ITGA1: variants seen among roughly 807,000 people sequenced by gnomAD.
ITGA1 encodes the protein integrin subunit alpha 1, also known as integrin alpha-1.
Under a neutral mutation model 145.9 loss-of-function variants are expected in ITGA1, and 85 were observed. The ratio of observed to expected loss-of-function variants is 0.58; its 90% CI spans 0.49 to 0.70. The LOEUF (loss-of-function observed/expected upper bound fraction) is 0.70, where lower values mean the gene tolerates loss of function less well. Ranked by LOEUF, ITGA1 falls within the 30% of genes least tolerant of loss-of-function variation. The pLI is 0.00. For synonymous variants in ITGA1, 520 were observed against 495.3 expected (o/e 1.05, Z -0.66); for missense variants, 1,351 against 1,418.7 (o/e 0.95, Z 0.77).
intron 1 of ITGA1, among the ~76,000 whole-genome samples, chr5:52,812,969 G>A (rs1748706313): frequency 6.6e-6 from 1 of 151,938 alleles, no homozygotes; most frequent in Non-Finnish European, 1.5e-5. Flanking sequence ...TCAGTCCAGA[G>A]TTACCCTCAA....
chr5:52,870,730 A>G (rs920908380), intron 6 of ITGA1, among the ~76,000 whole-genome samples: 2 of 152,208 alleles, frequency 1.3e-5, no homozygotes, highest in African/African-American at 4.8e-5. Flanking sequence ...CTCAAAAGCA[A>G]GAGCCAGTGT....
chr5:52,942,172 C>T (rs997041242), intron 26 of ITGA1, among the ~76,000 whole-genome samples: 1 of 152,128 alleles, frequency 6.6e-6, no homozygotes, highest in Non-Finnish European at 1.5e-5. Context: ...GTTTTGATTA[C>T]CGTAGCCTTA....
intron 1 of ITGA1, among the ~76,000 whole-genome samples, chr5:52,838,095 G>A (rs952920298): frequency 6.6e-6 from 1 of 152,152 alleles, no homozygotes; most frequent in Admixed American, 6.5e-5. Context: ...TCATAAAATG[G>A]ACAAGTTTTT....
In ITGA1 at chr5:52,925,449, G is replaced by A; in HGVS notation, c.2575G>A (p.Val859Met). The A allele has an allele frequency of 1.2e-6, 2 of 1,613,948 alleles. No individual in the cohort carries two copies. Among genetic ancestry groups the A allele is most frequent in the Non-Finnish European group, 1.7e-6 (2 of 1,179,856 alleles). The part of the protein sequence containing the change: ...KDSAYNTRTI[V>M]HYSPNLVFSG... ...CAGTGCCTATAACACCAGGACAATAGTGCATTATTCTCCAAATCTAGTTTT... is the reference window on the plus strand; with the variant it reads ...CAGTGCCTATAACACCAGGACAATAATGCATTATTCTCCAAATCTAGTTTT... Residue 859 changes from valine to methionine, a missense_variant, in exon 19 of 29, where the codon GTG becomes ATG. By Grantham distance (21) the Val-to-Met change is conservative. Transcript: ENST00000282588.
rs1579713020 is a variant in ITGA1, at chr5:52,910,496, A to G, written c.1857+77A>G. The G allele has an allele frequency of 3.4e-6, 5 of 1,464,378 alleles. No individual in the cohort carries two copies. The East Asian group carries it at 9.2e-5, about 27-fold the overall frequency. The allele number at this position is 1,464,378 out of a possible 1,614,324, so 90.7% of individuals were successfully genotyped here. ...TGCCAGGCATTACCTGTCTAACTTC[A>G]TGAGTTATTTAATTTCTTCCTCCTG... On this transcript the variant is annotated intron_variant, in intron 14 of 28. Transcript: ENST00000282588.
chr5:52,884,898 A>G (rs936532179), intron 7 of ITGA1, among the ~76,000 whole-genome samples: 2 of 152,152 alleles, frequency 1.3e-5, no homozygotes, highest in African/African-American at 4.8e-5. Context: ...CCCACAGATT[A>G]ACGGCTCAGT....
chr5:52,897,361 A>G, intron 9 of ITGA1, 94 bp from the exon 10 acceptor site: 1 of 831,876 alleles, frequency 1.2e-6, no homozygotes, highest in Non-Finnish European at 1.9e-6. Flanking sequence ...GGTTGGTAAG[A>G]CCACAAGCTC....
chr5:52,800,392 G>A (rs1561211505), intron 1 of ITGA1: 1 of 1,613,814 alleles, frequency 6.2e-7, no homozygotes, highest in Non-Finnish European at 8.5e-7. Flanking sequence ...CCCTTCCTTG[G>A]CCATGAAGCT....
At chr5:52,943,735 C>T (rs1561256577) in intron 26 of ITGA1, among the ~76,000 whole-genome samples, 1 of 152,156 alleles carries the variant, frequency 6.6e-6, no homozygotes, top group African/African-American at 2.4e-5. Context: ...CGCTGGCCCA[C>T]GAATCCATGT....
intron 3 of ITGA1, among the ~76,000 whole-genome samples, chr5:52,864,262 C>T (rs1005927655): frequency 2.6e-5 from 4 of 152,146 alleles, no homozygotes; most frequent in African/African-American, 9.7e-5. Context: ...GGACACTGCT[C>T]TAATATTCCT....
intron 5 of ITGA1, 61 bp downstream of exon 5, chr5:52,865,143 T>G: frequency 8.3e-7 from 1 of 1,206,654 alleles, no homozygotes; most frequent in South Asian, 1.3e-5. Flanking sequence ...ATGAGACGTA[T>G]GTATACAAAG....
intron 28 of ITGA1, among the ~76,000 whole-genome samples, chr5:52,949,633 C>T (rs1751188584): frequency 1.3e-5 from 2 of 152,106 alleles, no homozygotes; most frequent in Admixed American, 6.5e-5. Flanking sequence ...TACTCTGGAG[C>T]TCCAGGAGTT....
intron 17 of ITGA1, among the ~76,000 whole-genome samples, chr5:52,922,165 G>A (rs907794496): frequency 6.7e-6 from 1 of 148,508 alleles, no homozygotes; most frequent in Non-Finnish European, 1.5e-5. Flanking sequence ...GCTGGGTGTG[G>A]TGGCACATGC....
At chr5:52,876,036 T>A (rs1229085090) in intron 6 of ITGA1, among the ~76,000 whole-genome samples, 1 of 152,186 alleles carries the variant, frequency 6.6e-6, no homozygotes, top group Non-Finnish European at 1.5e-5. Flanking sequence ...GCTTTCAGAT[T>A]CAGGAAGCTG....
intron 11 of ITGA1, among the ~76,000 whole-genome samples, chr5:52,900,898 G>T (rs1561242267): frequency 6.6e-6 from 1 of 151,860 alleles, no homozygotes; most frequent in Non-Finnish European, 1.5e-5. Context: ...TTATGTAAAT[G>T]TTATTATGTA....
chr5:52,894,063 G>GCTAA (rs1750190753), intron 9 of ITGA1, among the ~76,000 whole-genome samples: 1 of 151,990 alleles, frequency 6.6e-6, no homozygotes, highest in Non-Finnish European at 1.5e-5. Flanking sequence ...GGGCATGGTA[G>GCTAA]GGCAGTGCTG....
At chr5:52,919,798 C>A (rs1750704687) in intron 16 of ITGA1, among the ~76,000 whole-genome samples, 1 of 152,054 alleles carries the variant, frequency 6.6e-6, no homozygotes, top group African/African-American at 2.4e-5. Context: ...TGTAAGATTT[C>A]ATTTATTTTC....
At chr5:52,945,066 T>G in intron 27 of ITGA1, 31 bp downstream of exon 27, 2 of 1,462,042 alleles carry the variant, frequency 1.4e-6, no homozygotes. Flanking sequence ...GAAAACATTA[T>G]GCATTTCACT....
In ITGA1 at chr5:52,872,575, A is replaced by ATTTTTTTT. The variant is rs58664401; in HGVS notation, c.624+6769_624+6776dup. Among the ~76,000 whole-genome samples the ATTTTTTTT allele has an allele frequency of 3.5e-3, 348 of 98,296 alleles. 21 individuals are homozygous for ATTTTTTTT. The highest frequency in any genetic ancestry group is 0.011 in the African/African-American group (307 of 27,690). The allele number at this position is 98,296 out of a possible 152,430, so 64.5% of individuals were successfully genotyped here. A position where few individuals can be genotyped will look rare whatever the true frequency, so the allele number is the denominator to read the frequency against. ...CTTCCCCTTACACCCGCCTCAGTCA[A>ATTTTTTTT]TTTTTTTTTTTTTTTTTTGTGGGTG... On this transcript the variant is annotated intron_variant, in intron 6 of 28. Coordinates refer to ENST00000282588, the MANE Select transcript of ITGA1 (RefSeq NM_181501.2).
Sources: gnomAD v4.1 joint callset for allele counts (sites outside exome capture counted in the v4.1 genomes callset) on GRCh38, gnomAD v4.1.1 for gene constraint, MANE v1.5 for transcripts, NCBI Gene and HGNC (gene_info 2026-07-23, HGNC 2026-07-21) for gene names.